The following NFIA variants were observed in gnomAD, a reference collection of about 807,000 sequenced individuals.
The protein encoded by NFIA is nuclear factor 1 A-type.
A neutral mutation model predicts 62.8 loss-of-function variants in NFIA; 8 were observed. The ratio of observed to expected loss-of-function variants is 0.13; its 90% CI spans 0.07 to 0.23. The LOEUF (loss-of-function observed/expected upper bound fraction) is 0.23, where lower values mean the gene tolerates loss of function less well. NFIA is among the 10% of genes least tolerant of loss of function. The probability of loss-of-function intolerance (pLI) is 1.00; values close to 1 mark genes in which losing one functional copy is unlikely to be tolerated. For missense variants in NFIA, 410 were observed against 642.1 expected, an observed-to-expected ratio of 0.64 and a Z score of 3.91; for synonymous variants, 235 against 238.1, an observed-to-expected ratio of 0.99 and a Z score of 0.12.
intron 9 of NFIA, among the ~76,000 whole-genome samples, chr1:61,414,902 C>A (rs889886481): frequency 6.6e-6 from 1 of 152,052 alleles, no homozygotes; most frequent in South Asian, 2.1e-4. Context: ...ATTCTTGTAA[C>A]CAATACCACA....
At chr1:61,259,960 T>C (rs1656653827) in intron 2 of NFIA, among the ~76,000 whole-genome samples, 2 of 152,216 alleles carry the variant, frequency 1.3e-5, no homozygotes, top group South Asian at 4.1e-4. Flanking sequence ...ACTCATTCCT[T>C]AGGCTGAGGG....
At chr1:61,339,532 A>G (rs1441526818) in intron 4 of NFIA, among the ~76,000 whole-genome samples, 1 of 152,210 alleles carries the variant, frequency 6.6e-6, no homozygotes, top group African/African-American at 2.4e-5. Flanking sequence ...AGGAAGAAAA[A>G]TAACAGTCTG....
intron 6 of NFIA, among the ~76,000 whole-genome samples, chr1:61,366,204 T>C (rs1231062269): frequency 6.6e-6 from 1 of 152,196 alleles, no homozygotes; most frequent in East Asian, 1.9e-4. Context: ...TCCAGTGGGC[T>C]TCATGGATGA....
intron 2 of NFIA, among the ~76,000 whole-genome samples, chr1:61,098,215 C>A (rs969095095): frequency 6.6e-6 from 1 of 152,110 alleles, no homozygotes; most frequent in African/African-American, 2.4e-5. Flanking sequence ...TAATATTACA[C>A]ATTAACATGT....
At chr1:61,430,335 A>G (rs1312350592) in intron 10 of NFIA, among the ~76,000 whole-genome samples, 2 of 152,248 alleles carry the variant, frequency 1.3e-5, no homozygotes, top group Non-Finnish European at 2.9e-5. Flanking sequence ...TATATTCATA[A>G]TACATGTTAA....
chr1:61,372,282 T>C (rs1445435644), intron 6 of NFIA, among the ~76,000 whole-genome samples: 1 of 152,168 alleles, frequency 6.6e-6, no homozygotes, highest in Non-Finnish European at 1.5e-5. Flanking sequence ...TTAATTGATA[T>C]GCCAAACTCT....
chr1:61,227,158 C>G (rs898516694), intron 2 of NFIA, among the ~76,000 whole-genome samples: 1 of 152,166 alleles, frequency 6.6e-6, no homozygotes, highest in Non-Finnish European at 1.5e-5. Flanking sequence ...GACTGACAAG[C>G]AGCATTTTTT....
chr1:61,445,471 A>G (rs1667766696), intron 10 of NFIA, among the ~76,000 whole-genome samples: 3 of 152,024 alleles, frequency 2.0e-5, no homozygotes, highest in African/African-American at 7.3e-5. Flanking sequence ...CTGTTTCAGC[A>G]TTAAAAAAAA....
intron 2 of NFIA, among the ~76,000 whole-genome samples, chr1:61,141,837 A>G (rs572804301): frequency 6.6e-6 from 1 of 152,336 alleles, no homozygotes; most frequent in African/African-American, 2.4e-5. Context: ...TTGCATATGC[A>G]ACTGTCTTTC....
intron 2 of NFIA, among the ~76,000 whole-genome samples, chr1:61,153,427 C>T (rs1648565684): frequency 1.3e-5 from 2 of 152,308 alleles, no homozygotes; most frequent in South Asian, 4.1e-4. Flanking sequence ...AACTTTCAAC[C>T]CTTTTATCAT....
chr1:61,077,459 C>A (rs1570098348), upstream of NFIA: 1 of 511,324 alleles, frequency 2.0e-6, no homozygotes, highest in Non-Finnish European at 3.2e-6. Context: ...AAAAAAAATT[C>A]TCCAAGAAGC....
chr1:61,344,365 T>A (rs1324933416), intron 4 of NFIA, among the ~76,000 whole-genome samples: 2 of 152,240 alleles, frequency 1.3e-5, no homozygotes, highest in African/African-American at 4.8e-5. Flanking sequence ...CATAGAACTC[T>A]GTGCTGCTAT....
chr1:61,247,198 C>T (rs1032400508), intron 2 of NFIA, among the ~76,000 whole-genome samples: 3 of 152,164 alleles, frequency 2.0e-5, no homozygotes, highest in Non-Finnish European at 4.4e-5. Context: ...ACAACTCTAT[C>T]ACAAAAAGAG....
At chr1:61,080,846 A>G (rs1646086382), upstream of NFIA, among the ~76,000 whole-genome samples, 1 of 152,252 alleles carries the variant, frequency 6.6e-6, no homozygotes, top group Admixed American at 6.5e-5. Flanking sequence ...CAAGCATAAA[A>G]TAACTTTAGA....
At chr1:61,133,856 T>G (rs190261958) in intron 2 of NFIA, among the ~76,000 whole-genome samples, 1 of 151,348 alleles carries the variant, frequency 6.6e-6, no homozygotes, top group Non-Finnish European at 1.5e-5. Flanking sequence ...AAAGGAATAA[T>G]AGGGGCTGGG....
intron 3 of NFIA, among the ~76,000 whole-genome samples, chr1:61,300,832 G>A (rs752627911): frequency 6.6e-6 from 1 of 151,756 alleles, no homozygotes; most frequent in Non-Finnish European, 1.5e-5. Context: ...AAAGATTGGT[G>A]GCTTATAAGA....
intron 2 of NFIA, among the ~76,000 whole-genome samples, chr1:61,117,961 A>G (rs992417195): frequency 1.3e-5 from 2 of 152,092 alleles, no homozygotes; most frequent in African/African-American, 4.8e-5. Context: ...AGGCAGGTGG[A>G]TTGCCTGAGA....
At chr1:61,257,196 G>A (rs1282692135) in intron 2 of NFIA, among the ~76,000 whole-genome samples, 1 of 152,034 alleles carries the variant, frequency 6.6e-6, no homozygotes, top group Non-Finnish European at 1.5e-5. Flanking sequence ...ATAGGTTGTG[G>A]GAATGTGAGA....
At position 61,455,652 on chromosome 1, in the gene NFIA, C is replaced by T. The variant is rs1244624810; in HGVS notation, c.*332C>T. 3 of 389,444 alleles carry T rather than the reference C, an allele frequency of 7.7e-6. No individual in the cohort carries two copies. In the East Asian group the frequency reaches 1.3e-4, roughly 17 times the overall value. 24.1% of individuals were successfully genotyped at this position (389,444 alleles called of 1,614,324 possible). ...CGTGGCTAGCGGAGGACTACCCTTG[C>T]TCACTGACTTCCTGTTGTAACACAC... On this transcript the variant is annotated 3_prime_UTR_variant, in exon 11 of 11. Coordinates refer to ENST00000403491, the MANE Select transcript of NFIA (RefSeq NM_001134673.4).
Sources: allele counts gnomAD v4.1 joint callset (sites outside exome capture counted in the v4.1 genomes callset), GRCh38; gene constraint gnomAD v4.1.1; transcripts MANE v1.5; gene names NCBI Gene and HGNC (gene_info 2026-07-23, HGNC 2026-07-21).